The following C11orf65 variants were observed in gnomAD, a reference collection of about 807,000 sequenced individuals.
The protein encoded by C11orf65 is chromosome 11 open reading frame 65.
C11orf65 carries 38 observed loss-of-function variants against 35.3 expected under a neutral mutation model. That is an observed-to-expected ratio of 1.08 (90% confidence interval 0.83 to 1.41). C11orf65 has a LOEUF of 1.41. C11orf65 is among the 40% of genes most tolerant of loss of function. The pLI, the probability that C11orf65 is intolerant of heterozygous loss-of-function variation, is 0.00. For synonymous variants in C11orf65, 105 were observed against 114.4 expected (o/e 0.92, Z 0.53); for missense variants, 370 against 367.1 (o/e 1.01, Z -0.06).
chr11:108,461,610 T>A (rs764151350), intron 1 of C11orf65, 42 bp from the exon 2 acceptor site: 5 of 1,204,460 alleles, frequency 4.2e-6, no homozygotes, highest in Non-Finnish European at 5.9e-6. Flanking sequence ...AAAATAATTT[T>A]AATTTACTTT....
chr11:108,400,656 A>G (rs1302597195), intron 6 of C11orf65, among the ~76,000 whole-genome samples: 1 of 152,174 alleles, frequency 6.6e-6, no homozygotes, highest in Non-Finnish European at 1.5e-5. Context: ...AAGAAGCCAC[A>G]TCTGGAAGCC....
intron 3 of C11orf65, among the ~76,000 whole-genome samples, chr11:108,416,829 A>G (rs2092740012): frequency 1.3e-5 from 2 of 152,224 alleles, no homozygotes; most frequent in Non-Finnish European, 2.9e-5. Flanking sequence ...CACTTTGGAA[A>G]AAGTTTGGCA....
At chr11:108,411,124 T>C (rs1007333406) in intron 3 of C11orf65, among the ~76,000 whole-genome samples, 5 of 152,314 alleles carry the variant, frequency 3.3e-5, no homozygotes, top group Admixed American at 3.3e-4. Flanking sequence ...TTTAGAGGTA[T>C]AAATTTCTGT....
intron 6 of C11orf65, among the ~76,000 whole-genome samples, chr11:108,316,912 C>T (rs533267461): frequency 6.6e-6 from 1 of 151,678 alleles, no homozygotes; most frequent in South Asian, 2.1e-4. Context: ...GGCAATAGAG[C>T]GAGACTCCAT....
At chr11:108,402,159 G>C (rs1436616976) in intron 6 of C11orf65, among the ~76,000 whole-genome samples, 3 of 152,202 alleles carry the variant, frequency 2.0e-5, no homozygotes, top group Non-Finnish European at 4.4e-5. Flanking sequence ...AAATAGTAGA[G>C]GGGGAATCCT....
chr11:108,331,040 A>G (rs577323891), downstream of C11orf65, among the ~76,000 whole-genome samples: 4 of 152,308 alleles, frequency 2.6e-5, no homozygotes, highest in South Asian at 8.3e-4. Context: ...GATACAGTCA[A>G]TCTCTGCTGT....
chr11:108,453,248 A>C (rs569376428), intron 2 of C11orf65, among the ~76,000 whole-genome samples: 1 of 152,188 alleles, frequency 6.6e-6, no homozygotes, highest in East Asian at 1.9e-4. Flanking sequence ...TAATCAATCA[A>C]AATAACTAAA....
intron 2 of C11orf65, among the ~76,000 whole-genome samples, chr11:108,447,555 AG>A (rs2093281608): frequency 6.6e-6 from 1 of 152,196 alleles, no homozygotes; most frequent in African/African-American, 2.4e-5. Context: ...AACAAAATGA[AG>A]GCAGAAATAA....
chr11:108,359,021 A>C (rs1227065430), intron 2 of C11orf65, among the ~76,000 whole-genome samples: 3 of 150,894 alleles, frequency 2.0e-5, no homozygotes, highest in Non-Finnish European at 4.5e-5. Context: ...AAGAGTCAAG[A>C]CCCATCAGTG....
chr11:108,353,735 C>T (rs779882823), intron 2 of C11orf65: 5 of 1,529,618 alleles, frequency 3.3e-6, no homozygotes, highest in African/African-American at 2.7e-5. Context: ...AGCTGTCAAA[C>T]CTCCTAACTT....
At chr11:108,371,850 C>T (rs989343931) in intron 2 of C11orf65, among the ~76,000 whole-genome samples, 12 of 152,206 alleles carry the variant, frequency 7.9e-5, no homozygotes, top group African/African-American at 2.9e-4. Flanking sequence ...ACTCCACCAT[C>T]AGTGCACAAG....
At chr11:108,357,515 G>A (rs2090142111) in intron 2 of C11orf65, among the ~76,000 whole-genome samples, 1 of 152,214 alleles carries the variant, frequency 6.6e-6, no homozygotes, top group Non-Finnish European at 1.5e-5. Flanking sequence ...CAAAAAGACA[G>A]CAGTAACCTC....
chr11:108,333,334 G>T (rs925596836), intron 3 of C11orf65, among the ~76,000 whole-genome samples: 1 of 152,042 alleles, frequency 6.6e-6, no homozygotes, highest in African/African-American at 2.4e-5. Flanking sequence ...TATTATTCTT[G>T]CTGTGTCAGT....
intron 2 of C11orf65, chr11:108,365,309 G>C (rs2137901081): frequency 6.2e-7 from 1 of 1,614,146 alleles, no homozygotes; most frequent in South Asian, 1.1e-5. Context: ...TGAAACCTTT[G>C]TGTTTTTGTC....
At chr11:108,406,239 T>C (rs576813545) in intron 5 of C11orf65, among the ~76,000 whole-genome samples, 11 of 152,338 alleles carry the variant, frequency 7.2e-5, no homozygotes, top group Admixed American at 2.0e-4. Context: ...TATGCAATAG[T>C]TTATTATTAA....
intron 3 of C11orf65, chr11:108,334,061 G>T: frequency 9.8e-7 from 1 of 1,019,818 alleles, no homozygotes; most frequent in Non-Finnish European, 1.5e-6. Context: ...GGTCAAAATT[G>T]GTTAAATATT....
At chr11:108,392,281 A>C (rs916547113) in intron 7 of C11orf65, among the ~76,000 whole-genome samples, 5 of 151,958 alleles carry the variant, frequency 3.3e-5, no homozygotes, top group African/African-American at 1.2e-4. Flanking sequence ...TCCTGGGCTC[A>C]AGTAATCTGC....
At chr11:108,408,532 T>C (rs940696905) in intron 3 of C11orf65, among the ~76,000 whole-genome samples, 1 of 151,258 alleles carries the variant, frequency 6.6e-6, no homozygotes, top group South Asian at 2.1e-4. Context: ...AAAAATTAGC[T>C]GGGTGTGGTG....
At chr11:108,442,186 C>T (rs2093165182) in intron 2 of C11orf65, among the ~76,000 whole-genome samples, 1 of 152,094 alleles carries the variant, frequency 6.6e-6, no homozygotes, top group Non-Finnish European at 1.5e-5. Context: ...CATGCACAAG[C>T]TTCAGTACCC....
Sources: gnomAD v4.1 joint callset for allele counts (sites outside exome capture counted in the v4.1 genomes callset) on GRCh38, gnomAD v4.1.1 for gene constraint, MANE v1.5 for transcripts, NCBI Gene and HGNC (gene_info 2026-07-23, HGNC 2026-07-21) for gene names.